The following ZCCHC24 variants were observed in gnomAD, a reference collection of about 807,000 sequenced individuals.
ZCCHC24 encodes zinc finger CCHC-type containing 24, also known as zinc finger CCHC domain-containing protein 24.
In ZCCHC24, 10 loss-of-function variants were observed where a neutral mutation model predicts 26.2. That is an observed-to-expected ratio of 0.38 (90% CI 0.24 to 0.65). The LOEUF (loss-of-function observed/expected upper bound fraction) is 0.65. Among genes scored for constraint, ZCCHC24 ranks in the 30% least tolerant of loss-of-function variants. ZCCHC24 has a pLI of 0.54. For synonymous variants in ZCCHC24, 144 were observed against 147.1 expected (o/e 0.98, Z 0.15); for missense variants, 243 against 329.1 (o/e 0.74, Z 2.03).
intron 1 of ZCCHC24, among the ~76,000 whole-genome samples, chr10:79,438,956 A>C (rs943076181): frequency 1.3e-5 from 2 of 152,202 alleles, no homozygotes; most frequent in African/African-American, 2.4e-5. Context: ...TATTTGTTGA[A>C]TGAAAGCAGA....
At chr10:79,434,127 C>T (rs1455321253) in intron 1 of ZCCHC24, among the ~76,000 whole-genome samples, 1 of 152,228 alleles carries the variant, frequency 6.6e-6, no homozygotes, top group African/African-American at 2.4e-5. Flanking sequence ...GGACTCTGTT[C>T]CGTCTCGTGT....
At chr10:79,428,394 T>G (rs1857064524) in intron 2 of ZCCHC24, among the ~76,000 whole-genome samples, 1 of 44,376 alleles carries the variant, frequency 2.3e-5, no homozygotes, top group African/African-American at 1.2e-4. Flanking sequence ...GGTACAGTAT[T>G]TCAGTTTTGC....
intron 2 of ZCCHC24, among the ~76,000 whole-genome samples, chr10:79,401,270 G>A (rs1350376648): frequency 3.3e-5 from 5 of 152,204 alleles, no homozygotes; most frequent in Non-Finnish European, 5.9e-5. Flanking sequence ...GCACAGGGGC[G>A]CAGGCCTGTG....
At chr10:79,428,218 G>A (rs7903937) in intron 2 of ZCCHC24, among the ~76,000 whole-genome samples, 19,569 of 152,230 alleles carry the variant, frequency 0.13, 1,493 homozygotes, top group African/African-American at 0.2. Flanking sequence ...ACATGCTACA[G>A]TGTGGATGAA....
Position 79,394,339 on chromosome 10 carries a change from G to A in ZCCHC24, c.549C>T (p.Asn183=). ...PKCKRKWMSG[N]SWANMGQECI... ...ACTCCTGCCCCATGTTGGCCCAGGA[G>A]TTCCCGCTCATCCATTTTCTCTTGC... Residue 183 remains asparagine (N), a synonymous_variant, in exon 3 of 4, where the codon AAC becomes AAT. Transcript: ENST00000372336. 1 of 1,614,246 alleles carries A rather than the reference G, an allele frequency of 6.2e-7. No individual in the cohort carries two copies. Among genetic ancestry groups the A allele is most frequent in the Middle Eastern group, 1.6e-4 (1 of 6,062 alleles).
chr10:79,391,569 C>A (rs1420737021), intron 3 of ZCCHC24, among the ~76,000 whole-genome samples: 1 of 151,900 alleles, frequency 6.6e-6, no homozygotes, highest in Non-Finnish European at 1.5e-5. Flanking sequence ...AGCACAGACC[C>A]CAGCAGCCCC....
At chr10:79,444,188 A>T in intron 1 of ZCCHC24, 1 of 1,528,512 alleles carries the variant, frequency 6.5e-7, no homozygotes, top group Non-Finnish European at 8.8e-7. Flanking sequence ...GAAAACCCCC[A>T]CAAGGGGAGG....
At chr10:79,432,927 A>G (rs914058460) in intron 1 of ZCCHC24, among the ~76,000 whole-genome samples, 169 bp from the exon 2 acceptor site, 3 of 152,182 alleles carry the variant, frequency 2.0e-5, no homozygotes, top group Non-Finnish European at 2.9e-5. Context: ...TGGACAAGCC[A>G]GTTAACTACT....
At position 79,382,559 on chromosome 10, in the gene ZCCHC24, A is replaced by G. The variant is rs1856335874; in HGVS notation, c.*3786T>C. On this transcript the variant is annotated 3_prime_UTR_variant, in exon 4 of 4. Coordinates refer to ENST00000372336, the MANE Select transcript of ZCCHC24 (RefSeq NM_153367.4). The stretch of plus-strand genomic sequence containing the variant: ...ACACAGACACGGACGGGGTCACCGC[A>G]TGGGGGCGGAGGAGGTCGGACGGCA... The G allele has an allele frequency of 6.5e-6, 1 of 152,824 alleles. No homozygotes were observed. Among genetic ancestry groups the G allele is most frequent in the Admixed American group, 6.5e-5 (1 of 15,272 alleles). The allele number at this position is 152,824 out of a possible 1,614,324, so 9.5% of individuals were successfully genotyped here. A position where few individuals can be genotyped will look rare whatever the true frequency, so the allele number is the denominator to read the frequency against.
chr10:79,383,514 A>C lies in ZCCHC24; in HGVS notation c.*2831T>G, dbSNP rs2132167736. ...AGCTCAACCAGAAGGTTGGCAAAAT[A>C]CTTCCAGAAATCTTTGTTTGATATT... On this transcript the variant is annotated 3_prime_UTR_variant, in exon 4 of 4. Coordinates refer to ENST00000372336, the MANE Select transcript of ZCCHC24 (RefSeq NM_153367.4). The C allele has an allele frequency of 6.6e-6, 1 of 152,498 alleles. No homozygotes were observed. The highest frequency in any genetic ancestry group is 6.5e-5 in the Admixed American group (1 of 15,308). 9.4% of individuals were successfully genotyped at this position (152,498 alleles called of 1,614,324 possible). A position where few individuals can be genotyped will look rare whatever the true frequency, so the allele number is the denominator to read the frequency against.
intron 2 of ZCCHC24, among the ~76,000 whole-genome samples, chr10:79,412,895 A>G (rs1411537961): frequency 3.3e-5 from 5 of 152,214 alleles, no homozygotes; most frequent in African/African-American, 9.7e-5. Flanking sequence ...TACCAAGCAC[A>G]TGGCTGGAAT....
At chr10:79,423,816 G>A (rs938380829) in intron 2 of ZCCHC24, among the ~76,000 whole-genome samples, 77 of 150,520 alleles carry the variant, frequency 5.1e-4, no homozygotes, top group African/African-American at 1.8e-3. Context: ...TCAAGAGTTT[G>A]AAACCAGCCT....
At position 79,386,312 on chromosome 10, in the gene ZCCHC24, G is replaced by A. The variant is rs57224535; in HGVS notation, c.*33C>T. On this transcript the variant is annotated 3_prime_UTR_variant, in exon 4 of 4. Coordinates refer to ENST00000372336, the MANE Select transcript of ZCCHC24 (RefSeq NM_153367.4). ...GGAAGCAGCGTCTCCTCGGGCTGGC[G>A]GGGGGTGGCTCTGGGTGCGGGCGGG... 2.6e-4 allele frequency: 405 copies of A among 1,587,724 alleles called. No individual in the cohort carries two copies. Among genetic ancestry groups the A allele is most frequent in the East Asian group, 5.6e-4 (25 of 44,458 alleles).
At chr10:79,392,901 G>A (rs187757944) in intron 3 of ZCCHC24, among the ~76,000 whole-genome samples, 21 of 152,220 alleles carry the variant, frequency 1.4e-4, no homozygotes, top group Non-Finnish European at 2.6e-4. Context: ...GAGGACCATC[G>A]CCTTATTGCC....
In ZCCHC24 at chr10:79,389,529, AGTGTGTGTGTGTGT is replaced by A. The variant is rs5786399; in HGVS notation, c.613-3085_613-3072del. ...TAATAACATTCACTGACTTTTTCCT[AGTGTGTGTGTGTGT>A]GTGTGTGTGTGTGTGTGTGTGTGTC... On this transcript the variant is annotated intron_variant, in intron 3 of 3. Transcript: ENST00000372336. Among the ~76,000 whole-genome samples the A allele has an allele frequency of 1.4e-4, 20 of 146,332 alleles. No homozygotes were observed. The South Asian group carries it at 3.4e-3, about 25-fold the overall frequency.
intron 2 of ZCCHC24, among the ~76,000 whole-genome samples, chr10:79,401,101 A>G (rs1856623710): frequency 6.6e-6 from 1 of 152,248 alleles, no homozygotes; most frequent in Admixed American, 6.5e-5. Context: ...GGGCACTGAG[A>G]GCCTGAGGCT....
chr10:79,445,528 C>T lies in ZCCHC24; in HGVS notation c.-88G>A. ...GGGCGGGCACCGGGGAGCCTGTGCC[C>T]ACTGCCCGCCTCCCGAGCCCCGACG... On this transcript the variant is annotated 5_prime_UTR_variant, in exon 1 of 4. Transcript: ENST00000372336. 2 of 1,146,826 alleles carry T rather than the reference C, an allele frequency of 1.7e-6. No homozygotes were observed. The highest frequency in any genetic ancestry group is 3.8e-5 in the South Asian group (1 of 26,124). 71.0% of individuals were successfully genotyped at this position (1,146,826 alleles called of 1,614,324 possible).
chr10:79,391,803 C>A (rs1229808246), intron 3 of ZCCHC24, among the ~76,000 whole-genome samples: 1 of 151,386 alleles, frequency 6.6e-6, no homozygotes, highest in African/African-American at 2.4e-5. Flanking sequence ...TCCCGGAGCG[C>A]TCTCCCCTCC....
intron 3 of ZCCHC24, among the ~76,000 whole-genome samples, chr10:79,393,639 AG>A (rs1295231803): frequency 6.6e-6 from 1 of 152,204 alleles, no homozygotes; most frequent in Admixed American, 6.5e-5. Flanking sequence ...GAGTGCCCCC[AG>A]GGCTCTGTGA....
Sources: gnomAD v4.1 joint callset for allele counts (sites outside exome capture counted in the v4.1 genomes callset) on GRCh38, gnomAD v4.1.1 for gene constraint, MANE v1.5 for transcripts, NCBI Gene and HGNC (gene_info 2026-07-23, HGNC 2026-07-21) for gene names.